Variants in FSIP2 observed in about 807,000 individuals in gnomAD.
The protein encoded by FSIP2 is fibrous sheath-interacting protein 2.
FSIP2 carries 367 observed loss-of-function variants against 510.5 expected under a neutral mutation model. The observed-to-expected ratio is 0.72, with a 90% CI of 0.66 to 0.78. The LOEUF is 0.78. Among genes scored for constraint, FSIP2 ranks in the 30% least tolerant of loss-of-function variants. The pLI is 0.00. For missense variants in FSIP2, 7,594 were observed against 7,901.7 expected (o/e 0.96, Z 1.48); for synonymous variants, 2,601 against 2,732.2 (o/e 0.95, Z 1.50).
At chr2:185,786,324 T>TTAGTC in intron 15 of FSIP2, 36 bp downstream of exon 15, 3 of 1,378,606 alleles carry the variant, frequency 2.2e-6, no homozygotes, top group Middle Eastern at 1.8e-4. Flanking sequence ...AAGCAACATA[T>TTAGTC]TAGTCATACT....
intron 9 of FSIP2, among the ~76,000 whole-genome samples, chr2:185,759,026 A>G (rs1692298335): frequency 6.6e-6 from 1 of 151,102 alleles, no homozygotes; most frequent in Admixed American, 6.6e-5. Flanking sequence ...GTTGGGATTC[A>G]CTTTTCATTT....
chr2:185,767,146 T>C (rs1327935423), intron 13 of FSIP2, among the ~76,000 whole-genome samples: 4 of 143,128 alleles, frequency 2.8e-5, no homozygotes, highest in East Asian at 2.1e-4. Context: ...GGAAGGGGAA[T>C]ATCACACTCT....
upstream of FSIP2, chr2:185,738,328 A>C (rs1006318738): frequency 1.2e-5 from 5 of 402,216 alleles, no homozygotes; most frequent in Non-Finnish European, 2.3e-5. Context: ...AGAGTGGTAA[A>C]GGGCGCTAGA....
At chr2:185,786,806 C>T (rs1000718669) in intron 15 of FSIP2, among the ~76,000 whole-genome samples, 12 of 151,966 alleles carry the variant, frequency 7.9e-5, no homozygotes, top group East Asian at 5.8e-4. Flanking sequence ...AAAGAGAAAG[C>T]ATTTGAGGAA....
At chr2:185,759,945 T>A (rs182698010) in intron 9 of FSIP2, among the ~76,000 whole-genome samples, 1 of 150,620 alleles carries the variant, frequency 6.6e-6, no homozygotes, top group Admixed American at 6.7e-5. Flanking sequence ...CATATTCAAT[T>A]TCTTTGCTAC....
At chr2:185,826,835 C>G (rs1682912121) in intron 20 of FSIP2, among the ~76,000 whole-genome samples, 1 of 151,772 alleles carries the variant, frequency 6.6e-6, no homozygotes, top group Admixed American at 6.6e-5. Flanking sequence ...GTCCTTTAGA[C>G]ATTCAAGTTG....
Position 185,794,802 on chromosome 2 carries a change from A to T in FSIP2, c.7666A>T (p.Thr2556Ser), listed in dbSNP as rs995075317. The T allele has an allele frequency of 5.2e-6, 8 of 1,532,876 alleles. No homozygotes were observed. The African/African-American group carries it at 1.1e-4, about 21-fold the overall frequency. 95.0% of individuals were successfully genotyped at this position (1,532,876 alleles called of 1,614,324 possible). Residue 2556 changes from threonine to serine, a missense_variant, in exon 16 of 23, where the codon ACA (threonine) becomes TCA (serine). Physicochemically the swap from Thr to Ser is moderately conservative, Grantham distance 58. Transcript: ENST00000424728. The stretch of plus-strand genomic sequence containing the variant: ...GGGGAAAATGTACTTGGTAGTTGTG[A>T]CATCATTATATGAAAATAATAAAAG... ...VLGKMYLVVVTSLYENNKSRT... is the reference protein window; with the variant it reads ...VLGKMYLVVVSSLYENNKSRT...
intron 19 of FSIP2, 80 bp from the exon 20 acceptor site, chr2:185,824,354 A>G (rs953303014): frequency 2.7e-5 from 24 of 895,552 alleles, no homozygotes; most frequent in Non-Finnish European, 3.8e-5. Context: ...CATATGGAGA[A>G]TAACTGTTCT....
chr2:185,808,413 T>A lies in FSIP2; in HGVS notation c.19107T>A (p.Asp6369Glu). The A allele has an allele frequency of 6.2e-7, 1 of 1,608,646 alleles. No homozygotes were observed. The highest frequency in any genetic ancestry group is 1.3e-5 in the African/African-American group (1 of 74,602). ...GGTTGCCAAGTTCCTCAAGCAAAGA[T>A]GAAAAAAACTTATCAAAGACTGAGT... is the stretch of plus-strand genomic sequence containing the variant. ...LIRLPSSSSK[D>E]EKNLSKTELN... is the part of the protein sequence containing the mutation. Residue 6369 changes from aspartate (D) to glutamate (E), a missense_variant, in exon 17 of 23, where the codon GAT (aspartate) becomes GAA (glutamate). By Grantham distance (45) the Asp-to-Glu change is conservative (BLOSUM62 2). Transcript: ENST00000424728.
chr2:185,804,866 T>C lies in FSIP2; in HGVS notation c.15560T>C (p.Ile5187Thr), dbSNP rs1367665713. 56 of 1,523,712 alleles carry C rather than the reference T, an allele frequency of 3.7e-5. No individual in the cohort carries two copies. The highest frequency in any genetic ancestry group is 4.5e-5 in the Non-Finnish European group (51 of 1,142,022). The allele number at this position is 1,523,712 out of a possible 1,614,324, so 94.4% of individuals were successfully genotyped here. A position where few individuals can be genotyped will look rare whatever the true frequency, so the allele number is the denominator to read the frequency against. The change falls in exon 17 of 23, where the codon ATT (isoleucine) becomes ACT (threonine). Residue 5187 changes from isoleucine (I) to threonine (T), a missense_variant. Coordinates refer to ENST00000424728, the MANE Select transcript of FSIP2 (RefSeq NM_173651.4). ...GCAGAAAGTATGCAGTTAGAACCTATTGAAAATTTGGTCGACTCCATATGT... is the reference window on the plus strand; with the variant it reads ...GCAGAAAGTATGCAGTTAGAACCTACTGAAAATTTGGTCGACTCCATATGT... ...DNAESMQLEPIENLVDSICNN... is the reference protein window; with the variant it reads ...DNAESMQLEPTENLVDSICNN...
chr2:185,747,698 T>G (rs543940087), intron 7 of FSIP2, among the ~76,000 whole-genome samples: 3 of 152,208 alleles, frequency 2.0e-5, no homozygotes, highest in Admixed American at 2.0e-4. Flanking sequence ...GATTAACTTT[T>G]TTTAGAACTA....
In FSIP2 at chr2:185,800,260, G is replaced by T; in HGVS notation, c.10954G>T (p.Ala3652Ser). ...VPLCNKINRQASPRDWQFSTQ... is the reference protein window; with the variant it reads ...VPLCNKINRQSSPRDWQFSTQ... ...CCTTTGCAACAAAATCAATAGACAG[G>T]CAAGCCCCAGAGACTGGCAATTTTC... The change falls in exon 17 of 23, where the codon GCA (alanine) becomes TCA (serine). Residue 3652 changes from alanine (A) to serine (S), a missense_variant. By Grantham distance (99) the Ala-to-Ser change is moderately conservative (BLOSUM62 1). Transcript: ENST00000424728. The T allele has an allele frequency of 6.5e-7, 1 of 1,533,346 alleles. No homozygotes were observed. The highest frequency in any genetic ancestry group is 8.7e-7 in the Non-Finnish European group (1 of 1,145,438). 95.0% of individuals were successfully genotyped at this position (1,533,346 alleles called of 1,614,324 possible).
intron 5 of FSIP2, 111 bp downstream of exon 5, chr2:185,745,679 T>G: frequency 1.1e-6 from 1 of 920,500 alleles, no homozygotes; most frequent in Non-Finnish European, 1.5e-6. Context: ...TTCTCCTGGA[T>G]CCCTCAGAGT....
chr2:185,828,982 A>T (rs775837475), intron 21 of FSIP2, among the ~76,000 whole-genome samples: 5 of 151,912 alleles, frequency 3.3e-5, no homozygotes, highest in Non-Finnish European at 7.4e-5. Flanking sequence ...AAATGTTCAA[A>T]GATAATGGAT....
At position 185,790,769 on chromosome 2, in the gene FSIP2, C is replaced by G; in HGVS notation, c.3633C>G (p.Val1211=). 6.5e-7 allele frequency: 1 copy of G among 1,531,826 alleles called. No individual in the cohort carries two copies. Among genetic ancestry groups the G allele is most frequent in the Non-Finnish European group, 8.7e-7 (1 of 1,144,218 alleles). 94.9% of individuals were successfully genotyped at this position (1,531,826 alleles called of 1,614,324 possible). A position where few individuals can be genotyped will look rare whatever the true frequency, so the allele number is the denominator to read the frequency against. The change falls in exon 16 of 23, where the codon GTC becomes GTG. Residue 1211 remains valine (V), a synonymous_variant. Coordinates refer to ENST00000424728, the MANE Select transcript of FSIP2 (RefSeq NM_173651.4). The part of the protein sequence containing the change: ...SLHNSDTEHI[V]KEAPNKYPLK... ...ATAATTCTGACACTGAACACATAGTCAAAGAAGCACCAAATAAATACCCAT... is the reference window on the plus strand; with the variant it reads ...ATAATTCTGACACTGAACACATAGTGAAAGAAGCACCAAATAAATACCCAT...
intron 15 of FSIP2, among the ~76,000 whole-genome samples, chr2:185,786,715 T>G (rs761682109): frequency 1.5e-4 from 23 of 151,854 alleles, no homozygotes; most frequent in Non-Finnish European, 3.4e-4. Flanking sequence ...TGGTCACCTA[T>G]GAGCTGAGAC....
In FSIP2 at chr2:185,804,213, G is replaced by A. The variant is rs773800673; in HGVS notation, c.14907G>A (p.Leu4969=). ...KILYAFSHNM[L]VTENPDRVKL... ...TTTATGCATTTTCACATAACATGTT[G>A]GTTACTGAAAATCCAGATAGAGTGA... Residue 4969 remains leucine (L), a synonymous_variant, in exon 17 of 23, where the codon TTG becomes TTA. Transcript: ENST00000424728. 17 of 1,519,140 alleles carry A rather than the reference G, an allele frequency of 1.1e-5. No individual in the cohort carries two copies. In the South Asian group the frequency reaches 2.1e-4, roughly 19 times the overall value. 94.1% of individuals were successfully genotyped at this position (1,519,140 alleles called of 1,614,324 possible).
chr2:185,737,420 T>A (rs1691805159), upstream of FSIP2, among the ~76,000 whole-genome samples: 2 of 152,136 alleles, frequency 1.3e-5, no homozygotes, highest in African/African-American at 4.8e-5. Flanking sequence ...GGGTAGATGG[T>A]GGCAGGGAGA....
intron 19 of FSIP2, among the ~76,000 whole-genome samples, chr2:185,818,224 C>G (rs764846462): frequency 5.3e-5 from 8 of 151,508 alleles, no homozygotes; most frequent in Non-Finnish European, 1.0e-4. Flanking sequence ...CTTGGAGAGA[C>G]AGAAGAAACA....
Sources: gnomAD v4.1 joint callset for allele counts (sites outside exome capture counted in the v4.1 genomes callset) on GRCh38, gnomAD v4.1.1 for gene constraint, MANE v1.5 for transcripts, NCBI Gene and HGNC (gene_info 2026-07-23, HGNC 2026-07-21) for gene names.